Variants in IL1R1 observed in about 807,000 individuals in gnomAD.
The protein encoded by IL1R1 is interleukin-1 receptor type 1.
Under a neutral mutation model 50.2 loss-of-function variants are expected in IL1R1, and 22 were observed. That is an observed-to-expected ratio of 0.44 (90% CI 0.31 to 0.63). The LOEUF is 0.63. Ranked by LOEUF, IL1R1 falls within the 20% of genes least tolerant of loss-of-function variation. IL1R1 has a pLI of 0.07. For missense variants in IL1R1, 509 were observed against 676.2 expected (o/e 0.75, Z 2.74); for synonymous variants, 251 against 236.7 (o/e 1.06, Z -0.55).
At chr2:102,078,146 C>T (rs1230038867) in intron 1 of IL1R1, among the ~76,000 whole-genome samples, 1 of 151,788 alleles carries the variant, frequency 6.6e-6, no homozygotes, top group Non-Finnish European at 1.5e-5. Context: ...TCATTCCACT[C>T]TAATAAACTA....
intron 1 of IL1R1, among the ~76,000 whole-genome samples, chr2:102,089,527 T>C (rs1237112610): frequency 6.6e-6 from 1 of 152,136 alleles, no homozygotes; most frequent in Non-Finnish European, 1.5e-5. Context: ...AGATATGAAG[T>C]TACCACATGC....
At chr2:102,098,319 C>T (rs907584584) in intron 1 of IL1R1, among the ~76,000 whole-genome samples, 1 of 152,088 alleles carries the variant, frequency 6.6e-6, no homozygotes, top group African/African-American at 2.4e-5. Context: ...AACACTGGTT[C>T]TCTTTAAATC....
intron 1 of IL1R1, among the ~76,000 whole-genome samples, chr2:102,071,868 G>A (rs528184549): frequency 1.3e-5 from 2 of 152,302 alleles, no homozygotes; most frequent in East Asian, 3.9e-4. Flanking sequence ...TGGCTGCCAA[G>A]GGCCATCTTC....
At chr2:102,078,393 G>C (rs1679066460) in intron 1 of IL1R1, among the ~76,000 whole-genome samples, 1 of 152,018 alleles carries the variant, frequency 6.6e-6, no homozygotes. Flanking sequence ...ACAGAAATAA[G>C]AGGGATTATA....
upstream of IL1R1, among the ~76,000 whole-genome samples, chr2:102,138,675 T>A (rs916397825): frequency 2.0e-5 from 3 of 151,948 alleles, no homozygotes; most frequent in African/African-American, 7.3e-5. Flanking sequence ...GATAAGAAAA[T>A]AGTTACTTGA....
intron 1 of IL1R1, among the ~76,000 whole-genome samples, chr2:102,085,454 T>C (rs2104298468): frequency 6.6e-6 from 1 of 152,304 alleles, no homozygotes; most frequent in East Asian, 1.9e-4. Context: ...AATGATTCAG[T>C]GCCATTTAGA....
At chr2:102,110,836 G>A (rs984624499) in intron 1 of IL1R1, among the ~76,000 whole-genome samples, 5 of 152,110 alleles carry the variant, frequency 3.3e-5, no homozygotes, top group African/African-American at 7.2e-5. Flanking sequence ...CTAGGCAGCC[G>A]CGGGAGTTGG....
rs1020266295 is a variant in IL1R1, at chr2:102,178,438, AATT to A, written c.*1683_*1685del. On this transcript the variant is annotated 3_prime_UTR_variant, in exon 12 of 12. Coordinates refer to ENST00000410023, the MANE Select transcript of IL1R1 (RefSeq NM_000877.4). ...CCCAATTATCTTATTTAATTTTTGC[AATT>A]ATTCTAATTTTATATATAGAGAAAG... 6.6e-6 allele frequency: 1 copy of A among 152,196 alleles called. No homozygotes were observed. Among genetic ancestry groups the A allele is most frequent in the Non-Finnish European group, 1.5e-5 (1 of 68,032 alleles). 9.4% of individuals were successfully genotyped at this position (152,196 alleles called of 1,614,324 possible).
At chr2:102,096,121 T>C (rs1252934522) in intron 1 of IL1R1, among the ~76,000 whole-genome samples, 3 of 152,250 alleles carry the variant, frequency 2.0e-5, no homozygotes, top group Admixed American at 6.5e-5. Context: ...TCACACTGTG[T>C]CCTATTCAGC....
rs1460892418 is a variant in IL1R1, at chr2:102,172,789, C to T, written c.942C>T (p.Ala314=). ...ATAAACATCCATTTACCTGTTTTGCCAAGAATACACATGGTATAGATGCAG... is the reference window on the plus strand; with the variant it reads ...ATAAACATCCATTTACCTGTTTTGCTAAGAATACACATGGTATAGATGCAG... ...RFYKHPFTCF[A]KNTHGIDAAY... The change falls in exon 9 of 12, where the codon GCC becomes GCT. Residue 314 remains alanine, a synonymous_variant. Transcript: ENST00000410023. 3 of 1,611,424 alleles carry T rather than the reference C, an allele frequency of 1.9e-6. No individual in the cohort carries two copies. The highest frequency in any genetic ancestry group is 2.5e-6 in the Non-Finnish European group (3 of 1,177,758).
intron 11 of IL1R1, 95 bp from the exon 12 acceptor site, chr2:102,176,258 C>T (rs1686123890): frequency 5.1e-6 from 5 of 976,776 alleles, no homozygotes; most frequent in Non-Finnish European, 7.6e-6. Flanking sequence ...GCATTAGGAG[C>T]CATACGGTTG....
At chr2:102,102,233 A>T (rs1305793286), upstream of IL1R1, among the ~76,000 whole-genome samples, 1 of 152,218 alleles carries the variant, frequency 6.6e-6, no homozygotes, top group Non-Finnish European at 1.5e-5. Flanking sequence ...AATGGCTGCT[A>T]GGAACTTGCA....
chr2:102,160,758 C>T (rs1684645803), intron 3 of IL1R1, among the ~76,000 whole-genome samples: 1 of 152,228 alleles, frequency 6.6e-6, no homozygotes, highest in Middle Eastern at 3.2e-3. Context: ...CCTGCCTTGC[C>T]TTTCCCATGG....
At chr2:102,090,933 T>A (rs1679640878) in intron 1 of IL1R1, among the ~76,000 whole-genome samples, 1 of 152,226 alleles carries the variant, frequency 6.6e-6, no homozygotes, top group African/African-American at 2.4e-5. Flanking sequence ...ATCAGGGAGT[T>A]TCTTCTTTTC....
At position 102,125,390 on chromosome 2, in the gene IL1R1, T is replaced by C. The variant is rs538060980; in HGVS notation, c.-84+20518T>C. ...AGACTGGCACAAACAATGTCTCCTG[T>C]TCTTCTTGGTCGTAGCTCTTGATAA... On this transcript the variant is annotated intron_variant, in intron 1 of 10. Coordinates refer to the IL1R1 transcript ENST00000409329. Among the ~76,000 whole-genome samples, 53 of 152,342 alleles carry C rather than the reference T, an allele frequency of 3.5e-4. No individual in the cohort carries two copies. In the East Asian group the frequency reaches 7.5e-3, roughly 22 times the overall value.
Position 102,176,794 on chromosome 2 carries a change from C to T in IL1R1, c.*35C>T, listed in dbSNP as rs755395393. ...GTTGCCAAGAGTTCTTTAGGTGCCT[C>T]CTGTCTTATGGCGTTGCAGGCCAGG... On this transcript the variant is annotated 3_prime_UTR_variant, in exon 12 of 12. Coordinates refer to ENST00000410023, the MANE Select transcript of IL1R1 (RefSeq NM_000877.4). 6.2e-6 allele frequency: 10 copies of T among 1,600,644 alleles called. No homozygotes were observed. Among genetic ancestry groups the T allele is most frequent in the South Asian group, 2.2e-5 (2 of 89,702 alleles).
chr2:102,083,223 C>A (rs1009163127), intron 1 of IL1R1, among the ~76,000 whole-genome samples: 1 of 152,178 alleles, frequency 6.6e-6, no homozygotes, highest in African/African-American at 2.4e-5. Context: ...GACTCATTTC[C>A]ACACTTCAGA....
chr2:102,113,975 A>G (rs184780043), intron 1 of IL1R1, among the ~76,000 whole-genome samples: 1 of 152,338 alleles, frequency 6.6e-6, no homozygotes, highest in Non-Finnish European at 1.5e-5. Flanking sequence ...ACACATCATT[A>G]TGCCAAAATA....
chr2:102,150,028 A>T (rs1577967208), intron 1 of IL1R1, among the ~76,000 whole-genome samples: 1 of 152,138 alleles, frequency 6.6e-6, no homozygotes, highest in Non-Finnish European at 1.5e-5. Flanking sequence ...GCTGTGTGCC[A>T]CCTTGCCTGT....
Sources: allele counts gnomAD v4.1 joint callset (sites outside exome capture counted in the v4.1 genomes callset), GRCh38; gene constraint gnomAD v4.1.1; transcripts MANE v1.5; gene names NCBI Gene and HGNC (gene_info 2026-07-23, HGNC 2026-07-21).